Variants in FMNL2 observed in about 807,000 individuals in gnomAD.
FMNL2 encodes formin-like protein 2.
In FMNL2, 51 loss-of-function variants were observed where a neutral mutation model predicts 130.2. The ratio of observed to expected loss-of-function variants is 0.39; its 90% confidence interval spans 0.31 to 0.49. The LOEUF (loss-of-function observed/expected upper bound fraction) is 0.49. FMNL2 is among the 20% of genes least tolerant of loss of function. The pLI is 0.85. For missense variants in FMNL2, 977 were observed against 1,316.2 expected (o/e 0.74, Z 3.99); for synonymous variants, 465 against 467.1 (o/e 1.00, Z 0.06).
rs182201457 is a variant in FMNL2 at position 152,510,812 on chromosome 2, A to G, written c.118-11131A>G. Among the ~76,000 whole-genome samples the G allele has an allele frequency of 3.3e-5, 5 of 152,316 alleles. No homozygotes were observed. The East Asian group carries it at 9.7e-4, about 29-fold the overall frequency. On this transcript the variant is annotated intron_variant, in intron 1 of 25. Coordinates refer to ENST00000288670, the MANE Select transcript of FMNL2 (RefSeq NM_052905.4). Reference sequence around the variant, plus strand: ...GCAAGACTTTCCAGCTTTCCTGCCTATCTTGGCTGGGCTTGTCTGGAGAGA... The same window carrying G: ...GCAAGACTTTCCAGCTTTCCTGCCTGTCTTGGCTGGGCTTGTCTGGAGAGA...
chr2:152,459,651 T>C (rs1250396774), intron 1 of FMNL2, among the ~76,000 whole-genome samples: 6 of 152,168 alleles, frequency 3.9e-5, no homozygotes, highest in Admixed American at 2.0e-4. Flanking sequence ...TATTTCAGAG[T>C]TCCTATTATA....
intron 1 of FMNL2, among the ~76,000 whole-genome samples, chr2:152,378,702 G>A (rs1684301161): frequency 6.6e-6 from 1 of 152,166 alleles, no homozygotes. Flanking sequence ...CTCATGTGAA[G>A]TGGTCCATGA....
intron 4 of FMNL2, among the ~76,000 whole-genome samples, chr2:152,552,503 A>C (rs1288297105): frequency 6.6e-6 from 1 of 152,218 alleles, no homozygotes; most frequent in African/African-American, 2.4e-5. Flanking sequence ...TCCCAAGATA[A>C]CATTCTGAGC....
At position 152,367,073 on chromosome 2, in the gene FMNL2, G is replaced by GTGTT. The variant is rs1553869242; in HGVS notation, c.117+31354_117+31355insGTTT. Reference sequence around the variant, plus strand: ...CTACCCTGTTATTGTGTGTGTGTGTGTTTGTTTTTTTTTTTTTTCCCAGAT... The same window carrying GTGTT: ...CTACCCTGTTATTGTGTGTGTGTGTGTGTTTTTGTTTTTTTTTTTTTTCCCAGAT... On this transcript the variant is annotated intron_variant, in intron 1 of 25. Transcript: ENST00000288670. Among the ~76,000 whole-genome samples the GTGTT allele has an allele frequency of 5.2e-4, 46 of 88,166 alleles. 9 individuals are homozygous for GTGTT. Among genetic ancestry groups the GTGTT allele is most frequent in the East Asian group, 1.2e-3 (3 of 2,484 alleles). 57.8% of individuals were successfully genotyped at this position (88,166 alleles called of 152,430 possible). A position where few individuals can be genotyped will look rare whatever the true frequency, so the allele number is the denominator to read the frequency against.
chr2:152,625,574 AT>A lies in FMNL2; in HGVS notation c.1962+14del, dbSNP rs758350995. 6.3e-7 allele frequency: 1 copy of A among 1,599,744 alleles called. No individual in the cohort carries two copies. The highest frequency in any genetic ancestry group is 8.6e-7 in the Non-Finnish European group (1 of 1,168,336). On this transcript the variant is annotated intron_variant, in intron 16 of 25. Transcript: ENST00000288670. ...AGCGAATTCTGGAGGTATTTTTCTC[AT>A]TGGTTAGAAACTAGAGGTGCACTCT...
intron 6 of FMNL2, among the ~76,000 whole-genome samples, chr2:152,570,496 G>A (rs958240249): frequency 1.3e-5 from 2 of 152,166 alleles, no homozygotes; most frequent in Non-Finnish European, 2.9e-5. Flanking sequence ...TCTCTGGGAA[G>A]CCCTTCTTTT....
At chr2:152,484,941 C>A (rs1163452778) in intron 1 of FMNL2, among the ~76,000 whole-genome samples, 1 of 152,178 alleles carries the variant, frequency 6.6e-6, no homozygotes, top group Non-Finnish European at 1.5e-5. Flanking sequence ...CTTGGGTGTT[C>A]ACAGTAGCTC....
intron 1 of FMNL2, among the ~76,000 whole-genome samples, chr2:152,362,586 C>T (rs748548370): frequency 6.6e-6 from 1 of 151,436 alleles, no homozygotes; most frequent in Admixed American, 6.6e-5. Flanking sequence ...CCACCCCTTG[C>T]TTGCTTTTTT....
chr2:152,544,055 C>T (rs1694480815), intron 3 of FMNL2, among the ~76,000 whole-genome samples: 1 of 152,172 alleles, frequency 6.6e-6, no homozygotes. Context: ...TTGTTAACTT[C>T]TCTCATTTCT....
chr2:152,644,782 G>C (rs1047628094), intron 25 of FMNL2, among the ~76,000 whole-genome samples: 4 of 152,140 alleles, frequency 2.6e-5, no homozygotes, highest in African/African-American at 9.7e-5. Context: ...GATGGCACCA[G>C]AAATACTAAC....
chr2:152,637,561 G>T lies in FMNL2; in HGVS notation c.2845-12G>T, dbSNP rs764853122. 6.2e-7 allele frequency: 1 copy of T among 1,611,400 alleles called. No individual in the cohort carries two copies. Among genetic ancestry groups the T allele is most frequent in the South Asian group, 1.1e-5 (1 of 91,022 alleles). The stretch of plus-strand genomic sequence containing the variant: ...AACTAATGAAACTCAAGAAAAATTT[G>T]CTTCTTCACAGGATGCCTTTGATGA... On this transcript the variant is annotated splice_polypyrimidine_tract_variant and intron_variant, in intron 22 of 25. Coordinates refer to ENST00000288670, the MANE Select transcript of FMNL2 (RefSeq NM_052905.4).
At chr2:152,390,573 A>G (rs998818778) in intron 1 of FMNL2, 2 of 1,408,174 alleles carry the variant, frequency 1.4e-6, no homozygotes, top group African/African-American at 2.8e-5. Context: ...GAAACAGGAG[A>G]TTCTGAAGAA....
intron 1 of FMNL2, among the ~76,000 whole-genome samples, chr2:152,346,132 C>T (rs1682108235): frequency 6.6e-6 from 1 of 152,244 alleles, no homozygotes; most frequent in Admixed American, 6.5e-5. Context: ...TCAAGCGATT[C>T]TCCTGCCTCA....
intron 4 of FMNL2, among the ~76,000 whole-genome samples, chr2:152,555,050 C>T (rs1487341588): frequency 6.6e-6 from 1 of 152,156 alleles, no homozygotes; most frequent in Non-Finnish European, 1.5e-5. Flanking sequence ...GGCCTTTTCC[C>T]CCTCCTGAGT....
intron 9 of FMNL2, among the ~76,000 whole-genome samples, chr2:152,597,564 A>G (rs1339396984): frequency 6.6e-6 from 1 of 152,186 alleles, no homozygotes; most frequent in Non-Finnish European, 1.5e-5. Flanking sequence ...GCTGTGGTGA[A>G]TACAGGGATT....
At position 152,549,107 on chromosome 2, in the gene FMNL2, C is replaced by T. The variant is rs12464681; in HGVS notation, c.359+10C>T. 7,957 of 1,576,342 alleles carry T rather than the reference C, an allele frequency of 5.0e-3. 698 individuals carry two copies. The Admixed American group carries it at 0.14, about 27-fold the overall frequency. On this transcript the variant is annotated intron_variant, in intron 4 of 25. Transcript: ENST00000288670. ...GAACTAACCACATTGGGTAAGTATA[C>T]CCCTTTAACATCTTAGCTCTAAAGC...
In FMNL2 at chr2:152,364,261, G is replaced by GTTT. The variant is rs869062341; in HGVS notation, c.117+28570_117+28572dup. On this transcript the variant is annotated intron_variant, in intron 1 of 25. Coordinates refer to ENST00000288670, the MANE Select transcript of FMNL2 (RefSeq NM_052905.4). Reference sequence around the variant, plus strand: ...TTCACATCCGTTAGGAGGTTTGTGTGTTTTTTTTTTTTTTTTTTTTTTTTT... The same window carrying GTTT: ...TTCACATCCGTTAGGAGGTTTGTGTGTTTTTTTTTTTTTTTTTTTTTTTTTTTT... 5.2e-3 allele frequency among the ~76,000 whole-genome samples: 128 copies of GTTT among 24,420 alleles called. 3 individuals carry two copies. Among genetic ancestry groups the GTTT allele is most frequent in the African/African-American group, 0.013 (104 of 7,814 alleles). The allele number at this position is 24,420 out of a possible 152,430, so 16.0% of individuals were successfully genotyped here.
intron 9 of FMNL2, 50 bp downstream of exon 9, chr2:152,581,099 G>A (rs1399755732): frequency 2.0e-6 from 3 of 1,512,108 alleles, no homozygotes; most frequent in Non-Finnish European, 2.7e-6. Flanking sequence ...CTTACATTTG[G>A]ACATCTTTGA....
chr2:152,422,596 C>G (rs1686979077), intron 1 of FMNL2, among the ~76,000 whole-genome samples: 1 of 152,104 alleles, frequency 6.6e-6, no homozygotes. Flanking sequence ...ACCATCTTGG[C>G]TCACTGCATC....
Sources: gnomAD v4.1 joint callset for allele counts (sites outside exome capture counted in the v4.1 genomes callset) on GRCh38, gnomAD v4.1.1 for gene constraint, MANE v1.5 for transcripts, NCBI Gene and HGNC (gene_info 2026-07-23, HGNC 2026-07-21) for gene names.